The following SAXO1 variants were observed in gnomAD, a reference collection of about 807,000 sequenced individuals.
SAXO1 encodes 4930500O09Rik.
A neutral mutation model predicts 17.5 loss-of-function variants in SAXO1; 21 were observed. The observed-to-expected ratio is 1.20, with a 90% confidence interval of 0.85 to 1.72. The LOEUF (loss-of-function observed/expected upper bound fraction) is 1.72, where lower values mean the gene tolerates loss of function less well. SAXO1 is among the 40% of genes most tolerant of loss of function. The pLI, the probability that SAXO1 is intolerant of heterozygous loss-of-function variation, is 0.00. For synonymous variants in SAXO1, 274 were observed against 216.5 expected (o/e 1.27, Z -2.33); for missense variants, 843 against 596.0 (o/e 1.41, Z -4.32).
intron 1 of SAXO1, among the ~76,000 whole-genome samples, chr9:18,971,760 T>A (rs1165870556): frequency 6.6e-6 from 1 of 152,192 alleles, no homozygotes; most frequent in South Asian, 2.1e-4. Flanking sequence ...TCCTAGATGT[T>A]TAGCCCAAAG....
intron 1 of SAXO1, among the ~76,000 whole-genome samples, chr9:19,015,643 CTTTTT>C (rs34096432): frequency 1.4e-5 from 2 of 142,254 alleles, no homozygotes; most frequent in Non-Finnish European, 3.0e-5. Flanking sequence ...ACGCCTGGCC[CTTTTT>C]TTTTTTTTTT....
Position 19,010,501 on chromosome 9 carries a change from A to G in SAXO1, c.38+22370T>C, listed in dbSNP as rs112552990. Among the ~76,000 whole-genome samples, 1,197 of 152,212 alleles carry G rather than the reference A, an allele frequency of 7.9e-3. 4 individuals carry two copies. Among genetic ancestry groups the G allele is most frequent in the Admixed American group, 0.012 (191 of 15,300 alleles). On this transcript the variant is annotated intron_variant, in intron 1 of 3. Coordinates refer to ENST00000380534, the MANE Select transcript of SAXO1 (RefSeq NM_153707.4). ...AGGAAAAAAAAAAAAGAAACCCTAT[A>G]GTCTTTTAGAACCTGGCCAAGAATG...
At chr9:19,024,485 C>G (rs1835391029) in intron 1 of SAXO1, among the ~76,000 whole-genome samples, 1 of 151,976 alleles carries the variant, frequency 6.6e-6, no homozygotes, top group African/African-American at 2.4e-5. Context: ...GGAGATATAC[C>G]TAATGCTAAA....
chr9:18,928,056 G>C lies in SAXO1; in HGVS notation c.1421C>G (p.Ala474Gly). The change falls in exon 4 of 4, where the codon GCC (alanine) becomes GGC (glycine). Residue 474 changes from alanine to glycine, a missense_variant. Coordinates refer to ENST00000380534, the MANE Select transcript of SAXO1 (RefSeq NM_153707.4). ...CTAAATTACTATTTTTCAAAATCAG[G>C]CTAACACTTCCAACTCCCTCTGGTT... ...NPNQRELEVL[A>G] 6.3e-7 allele frequency: 1 copy of C among 1,584,928 alleles called. No individual in the cohort carries two copies. The highest frequency in any genetic ancestry group is 8.6e-7 in the Non-Finnish European group (1 of 1,161,428).
chr9:18,949,774 T>C (rs1179037172), intron 2 of SAXO1, among the ~76,000 whole-genome samples: 1 of 152,174 alleles, frequency 6.6e-6, no homozygotes, highest in African/African-American at 2.4e-5. Context: ...GGACCTTTAC[T>C]AGCACAAAAT....
chr9:18,983,089 A>G (rs1027004673), intron 1 of SAXO1, among the ~76,000 whole-genome samples: 1 of 151,624 alleles, frequency 6.6e-6, no homozygotes, highest in Non-Finnish European at 1.5e-5. Context: ...AAAGGAAAGG[A>G]AAAAAAAAGG....
chr9:18,992,482 C>A (rs1205116508), intron 1 of SAXO1, among the ~76,000 whole-genome samples: 2 of 152,236 alleles, frequency 1.3e-5, no homozygotes, highest in Non-Finnish European at 2.9e-5. Context: ...TCAACTACCT[C>A]TGTAAAGACT....
At position 19,017,407 on chromosome 9, in the gene SAXO1, T is replaced by A. The variant is rs116907988; in HGVS notation, c.38+15464A>T. Among the ~76,000 whole-genome samples the A allele has an allele frequency of 4.7e-3, 709 of 152,274 alleles. 18 individuals carry two copies. In the East Asian group the frequency reaches 0.072, roughly 15 times the overall value. ...AATAAAAGATGAAAAAATATTTTTTTAAAAAACTGGGGTGACAGTGAAGAA... is the reference window on the plus strand; with the variant it reads ...AATAAAAGATGAAAAAATATTTTTTAAAAAAACTGGGGTGACAGTGAAGAA... On this transcript the variant is annotated intron_variant, in intron 1 of 3. Transcript: ENST00000380534.
At chr9:18,976,592 G>A (rs1833158179) in intron 1 of SAXO1, among the ~76,000 whole-genome samples, 1 of 152,228 alleles carries the variant, frequency 6.6e-6, no homozygotes, top group Non-Finnish European at 1.5e-5. Flanking sequence ...TGGGGAAAGA[G>A]TGGCCTAAAG....
At chr9:18,959,662 T>G (rs2131751570) in intron 1 of SAXO1, among the ~76,000 whole-genome samples, 1 of 152,112 alleles carries the variant, frequency 6.6e-6, no homozygotes, top group Non-Finnish European at 1.5e-5. Context: ...TTCCAGCTAC[T>G]TGCGAGGCTG....
intron 1 of SAXO1, among the ~76,000 whole-genome samples, chr9:18,952,578 G>C (rs1029804321): frequency 6.6e-6 from 1 of 152,156 alleles, no homozygotes; most frequent in Non-Finnish European, 1.5e-5. Context: ...AGTACCATTA[G>C]AGATATCCCT....
At chr9:19,042,427 C>G (rs572935797) in intron 1 of SAXO1, among the ~76,000 whole-genome samples, 4 of 152,228 alleles carry the variant, frequency 2.6e-5, no homozygotes, top group Non-Finnish European at 5.9e-5. Flanking sequence ...TACGATTCAG[C>G]AATCCCACTG....
chr9:19,011,899 G>A (rs1834751247), intron 1 of SAXO1, among the ~76,000 whole-genome samples: 1 of 144,038 alleles, frequency 6.9e-6, no homozygotes, highest in African/African-American at 2.6e-5. Flanking sequence ...AGGCTAGAGT[G>A]CAGTGGCACA....
chr9:18,986,341 C>T (rs1253705940), intron 1 of SAXO1, among the ~76,000 whole-genome samples: 1 of 152,148 alleles, frequency 6.6e-6, no homozygotes, highest in Admixed American at 6.5e-5. Flanking sequence ...ATTTATCACC[C>T]TTAGAATATT....
intron 1 of SAXO1, among the ~76,000 whole-genome samples, chr9:18,978,275 G>A (rs996170130): frequency 5.9e-5 from 9 of 152,128 alleles, no homozygotes; most frequent in African/African-American, 1.7e-4. Context: ...GCATGTGTGA[G>A]AGCTCCTAGC....
intron 1 of SAXO1, among the ~76,000 whole-genome samples, chr9:19,019,624 G>C (rs540340746): frequency 2.6e-5 from 4 of 152,164 alleles, no homozygotes; most frequent in African/African-American, 9.6e-5. Flanking sequence ...AGCTACTCGA[G>C]GGGCTAAGGC....
At chr9:19,010,275 G>A (rs761943008) in intron 1 of SAXO1, among the ~76,000 whole-genome samples, 4 of 152,178 alleles carry the variant, frequency 2.6e-5, no homozygotes, top group African/African-American at 9.7e-5. Flanking sequence ...GCCACGTGCA[G>A]TAGAGGGGTG....
intron 1 of SAXO1, among the ~76,000 whole-genome samples, chr9:18,954,060 C>G (rs528882956): frequency 2.0e-5 from 3 of 152,306 alleles, no homozygotes; most frequent in African/African-American, 7.2e-5. Context: ...CGCCACCTTG[C>G]TCAGGTACAT....
rs140542712 is a variant in SAXO1 at position 18,960,144 on chromosome 9, G to T, written c.39-9207C>A. ...CCCCCTTGGCAATGAAAAGGAAAAA[G>T]AGTTTCTTCTGTGAAAAATATTTAG... On this transcript the variant is annotated intron_variant, in intron 1 of 3. Transcript: ENST00000380534. Among the ~76,000 whole-genome samples, 33 of 152,288 alleles carry T rather than the reference G, an allele frequency of 2.2e-4. No homozygotes were observed. The East Asian group carries it at 4.4e-3, about 20-fold the overall frequency.
Sources: allele counts gnomAD v4.1 joint callset (sites outside exome capture counted in the v4.1 genomes callset), GRCh38; gene constraint gnomAD v4.1.1; transcripts MANE v1.5; gene names NCBI Gene and HGNC (gene_info 2026-07-23, HGNC 2026-07-21).